The following C22orf31 variants were observed in gnomAD, a reference collection of about 807,000 sequenced individuals.
The protein encoded by C22orf31 is uncharacterized protein C22orf31.
C22orf31 carries 11 observed loss-of-function variants against 15.0 expected under a neutral mutation model. The ratio of observed to expected loss-of-function variants is 0.73; its 90% CI spans 0.46 to 1.21. The LOEUF (loss-of-function observed/expected upper bound fraction) is 1.21, where lower values mean the gene tolerates loss of function less well. C22orf31 is among the 50% of genes most tolerant of loss of function. The pLI is 0.00. For missense variants in C22orf31, 340 were observed against 347.2 expected, an observed-to-expected ratio of 0.98 and a Z score of 0.17; for synonymous variants, 132 against 133.3, an observed-to-expected ratio of 0.99 and a Z score of 0.07.
chr22:29,060,764 T>C lies in C22orf31; in HGVS notation c.83A>G (p.Gln28Arg), dbSNP rs2037382865. ...RQSILLNTRLQDCYVDSPALT... is the reference protein window; with the variant it reads ...RQSILLNTRLRDCYVDSPALT... Reference sequence around the variant, plus strand: ...AGCCGGTGAGTCCACATAGCAGTCCTGAAGCCTGGTATTTAATAAGATGGA... The same window carrying C: ...AGCCGGTGAGTCCACATAGCAGTCCCGAAGCCTGGTATTTAATAAGATGGA... The change falls in exon 2 of 3, where the codon CAG becomes CGG. Residue 28 changes from glutamine (Q) to arginine (R), a missense_variant. By Grantham distance (43) the Gln-to-Arg change is conservative. Transcript: ENST00000216071. 6.2e-7 allele frequency: 1 copy of C among 1,614,022 alleles called. No homozygotes were observed. Among genetic ancestry groups the C allele is most frequent in the Admixed American group, 1.7e-5 (1 of 59,996 alleles).
At chr22:29,073,009 C>G in the C22orf31 span, 2 of 157,624 alleles carry the variant, frequency 1.3e-5, no homozygotes, top group Admixed American at 1.4e-4. The surrounding 1 kb of genome is among the most constrained non-coding windows in gnomAD (Gnocchi z 4.4). Context: ...CGGGGCGGGG[C>G]GGCCGGGCGG....
upstream of C22orf31, among the ~76,000 whole-genome samples, chr22:29,062,412 C>A (rs2037400074): frequency 1.3e-5 from 2 of 152,202 alleles, no homozygotes; most frequent in East Asian, 3.9e-4. Context: ...TACATGGTTT[C>A]TGGAATGTGG....
chr22:29,072,826 T>G, the C22orf31 span, among the ~76,000 whole-genome samples: 1 of 152,018 alleles, frequency 6.6e-6, no homozygotes, highest in African/African-American at 2.4e-5. Flanking sequence ...AGGGCCCTGC[T>G]GGGCCGGCCC....
chr22:29,060,884 G>A (rs370517987), intron 1 of C22orf31, 41 bp from the exon 2 acceptor site: 218 of 1,525,920 alleles, frequency 1.4e-4, no homozygotes, highest in Admixed American at 1.1e-3. Context: ...TAAAAGGACC[G>A]TTCTTCAGCA....
At chr22:29,060,024 T>TC (rs2037368403) in intron 2 of C22orf31, 34 of 649,916 alleles carry the variant, frequency 5.2e-5, no homozygotes, top group Non-Finnish European at 6.0e-5. Flanking sequence ...TTCTTTTCTT[T>TC]TTTTTTTTTT....
At chr22:29,073,916 G>T in the C22orf31 span, among the ~76,000 whole-genome samples, 1 of 151,842 alleles carries the variant, frequency 6.6e-6, no homozygotes, top group Admixed American at 6.5e-5. The surrounding 1 kb of genome is among the most constrained non-coding windows in gnomAD (Gnocchi z 4.4). Context: ...GAGGCTATAC[G>T]CCCCTCTCCG....
At chr22:29,063,204 C>G (rs2037407410), upstream of C22orf31, among the ~76,000 whole-genome samples, 1 of 152,010 alleles carries the variant, frequency 6.6e-6, no homozygotes, top group African/African-American at 2.4e-5. Context: ...TCACTCTGTC[C>G]CCCAGGCTGG....
At chr22:29,063,466 A>G (rs2037409636), upstream of C22orf31, among the ~76,000 whole-genome samples, 2 of 152,060 alleles carry the variant, frequency 1.3e-5, no homozygotes, top group African/African-American at 4.8e-5. Flanking sequence ...GCTCAGCCTC[A>G]ATCTCCTTCT....
At chr22:29,061,765 A>G in intron 1 of C22orf31, 25 bp downstream of exon 1, 2 of 1,509,380 alleles carry the variant, frequency 1.3e-6, no homozygotes, top group Non-Finnish European at 9.1e-7. Flanking sequence ...AAGAAATGTC[A>G]TCTATAGAAA....
At chr22:29,071,762 G>A in the C22orf31 span, among the ~76,000 whole-genome samples, 1,196 of 152,278 alleles carry the variant, frequency 7.9e-3, 11 homozygotes, top group African/African-American at 0.027. Context: ...ACCTTGCCGG[G>A]GTCGGGGCGG....
In C22orf31 at chr22:29,060,479, T is replaced by C. The variant is rs41281607; in HGVS notation, c.368A>G (p.Asn123Ser). 7.7e-3 allele frequency: 12,388 copies of C among 1,614,038 alleles called. 50 individuals carry two copies. The highest frequency in any genetic ancestry group is 9.5e-3 in the Non-Finnish European group (11,173 of 1,180,014). ...CTGCTTGCTCTTGGAACTGATGAAGTTTCTTTTCCTGGCCTGCTGGGTGGC... is the reference window on the plus strand; with the variant it reads ...CTGCTTGCTCTTGGAACTGATGAAGCTTCTTTTCCTGGCCTGCTGGGTGGC... Reference protein sequence around the residue: ...MKATQQARKRNFISSKSKQPA... With the variant: ...MKATQQARKRSFISSKSKQPA... Residue 123 changes from asparagine to serine, a missense_variant, in exon 2 of 3, where the codon AAC becomes AGC. By Grantham distance (46) the Asn-to-Ser change is conservative (BLOSUM62 1). Coordinates refer to ENST00000216071, the MANE Select transcript of C22orf31 (RefSeq NM_015370.2).
intron 2 of C22orf31, 112 bp downstream of exon 2, chr22:29,060,303 G>A (rs5762963): frequency 9.6e-7 from 1 of 1,044,318 alleles, no homozygotes; most frequent in Non-Finnish European, 1.4e-6. Flanking sequence ...AAAGTGCTGA[G>A]ATTATAGGCG....
At chr22:29,073,617 C>T in the C22orf31 span, among the ~76,000 whole-genome samples, 1 of 151,630 alleles carries the variant, frequency 6.6e-6, no homozygotes, top group South Asian at 2.1e-4. This position sits in a 1 kb window ranked among gnomAD's most constrained non-coding sequence, Gnocchi z 4.4. Context: ...GGCCGGGACG[C>T]CCCCTCTCCC....
the C22orf31 span, among the ~76,000 whole-genome samples, chr22:29,069,791 A>G: frequency 8.0e-6 from 1 of 125,154 alleles, no homozygotes; most frequent in Non-Finnish European, 1.8e-5. Context: ...AGCCAGTGCC[A>G]GGAGGAGCTT....
chr22:29,064,825 A>G (rs916964182), upstream of C22orf31, among the ~76,000 whole-genome samples: 32 of 148,768 alleles, frequency 2.2e-4, no homozygotes, highest in Non-Finnish European at 2.2e-4. Flanking sequence ...CTGTGAACCA[A>G]CACACCTAAC....
the C22orf31 span, chr22:29,073,255 G>T: frequency 9.7e-7 from 1 of 1,035,234 alleles, no homozygotes; most frequent in Non-Finnish European, 1.2e-6. The surrounding 1 kb of genome is among the most constrained non-coding windows in gnomAD (Gnocchi z 4.4). Context: ...CCCGCCGCCC[G>T]CCCTGAGCGG....
upstream of C22orf31, among the ~76,000 whole-genome samples, chr22:29,063,551 C>A (rs545345952): frequency 6.6e-6 from 1 of 152,362 alleles, no homozygotes; most frequent in South Asian, 2.1e-4. Context: ...GCCTTCTCTG[C>A]CTTCATTGTA....
chr22:29,065,576 G>A (rs2037424025), upstream of C22orf31, among the ~76,000 whole-genome samples: 1 of 152,188 alleles, frequency 6.6e-6, no homozygotes, highest in South Asian at 2.1e-4. Flanking sequence ...GTTGAATGTA[G>A]AGGAGCTACA....
intron 2 of C22orf31, among the ~76,000 whole-genome samples, chr22:29,059,427 TAGA>T (rs986867184): frequency 9.2e-5 from 14 of 152,188 alleles, no homozygotes; most frequent in Admixed American, 6.5e-5. Flanking sequence ...GCCACACAGC[TAGA>T]AGGTTAATAA....
Sources: allele counts gnomAD v4.1 joint callset (sites outside exome capture counted in the v4.1 genomes callset), GRCh38; gene constraint gnomAD v4.1.1; non-coding constraint Gnocchi (gnomAD v3.1); transcripts MANE v1.5; gene names NCBI Gene and HGNC (gene_info 2026-07-23, HGNC 2026-07-21).